PTPN3: variants seen among roughly 807,000 people sequenced by gnomAD.
PTPN3 encodes the protein protein tyrosine phosphatase non-receptor type 3.
A neutral mutation model predicts 132.7 loss-of-function variants in PTPN3; 96 were observed. The ratio of observed to expected loss-of-function variants is 0.72; its 90% CI spans 0.61 to 0.86. The LOEUF (loss-of-function observed/expected upper bound fraction) is 0.86. Ranked by LOEUF, PTPN3 falls within the 40% of genes least tolerant of loss-of-function variation. The probability of loss-of-function intolerance (pLI) is 0.00; values close to 1 mark genes in which losing one functional copy is unlikely to be tolerated. For missense variants in PTPN3, 1,125 were observed against 1,159.6 expected (o/e 0.97, Z 0.43); for synonymous variants, 398 against 429.0 (o/e 0.93, Z 0.89).
In PTPN3 at chr9:109,473,703, A is replaced by T. The variant is rs112619854; in HGVS notation, c.-17-10252T>A. Among the ~76,000 whole-genome samples, 530 of 152,316 alleles carry T rather than the reference A, an allele frequency of 3.5e-3. 6 individuals are homozygous for T. Among genetic ancestry groups the T allele is most frequent in the African/African-American group, 0.012 (509 of 41,554 alleles). On this transcript the variant is annotated intron_variant, in intron 1 of 25. Transcript: ENST00000374541. ...GCAGAAAACTCATGCTAAGTATATT[A>T]AATGAAGCCATTCAATTTAAAGAAA... is the stretch of plus-strand genomic sequence containing the variant.
At chr9:109,388,405 T>G (rs1839781253) in intron 22 of PTPN3, among the ~76,000 whole-genome samples, 1 of 152,094 alleles carries the variant, frequency 6.6e-6, no homozygotes, top group South Asian at 2.1e-4. Context: ...GATGGGAATC[T>G]CTAATGCAGG....
chr9:109,503,056 C>A (rs950508542), upstream of PTPN3, among the ~76,000 whole-genome samples: 1 of 151,966 alleles, frequency 6.6e-6, no homozygotes, highest in Non-Finnish European at 1.5e-5. Flanking sequence ...ATGTATGTTT[C>A]TTTCATAATC....
chr9:109,536,488 G>A, the PTPN3 span, among the ~76,000 whole-genome samples: 3 of 152,126 alleles, frequency 2.0e-5, no homozygotes, highest in Admixed American at 6.6e-5. Context: ...TTGTCAAAGC[G>A]CAATGATACG....
At chr9:109,529,471 TC>T in the PTPN3 span, among the ~76,000 whole-genome samples, 1 of 152,146 alleles carries the variant, frequency 6.6e-6, no homozygotes, top group African/African-American at 2.4e-5. Context: ...TCCTCCTTAA[TC>T]CTTTTTCACA....
At chr9:109,496,971 C>G (rs544271193) in intron 1 of PTPN3, among the ~76,000 whole-genome samples, 1 of 152,202 alleles carries the variant, frequency 6.6e-6, no homozygotes, top group East Asian at 1.9e-4. Flanking sequence ...GCTTTACTTT[C>G]TCCCATCATC....
intron 16 of PTPN3, among the ~76,000 whole-genome samples, 187 bp downstream of exon 16, chr9:109,409,812 A>C (rs1292103343): frequency 6.6e-6 from 1 of 152,148 alleles, no homozygotes; most frequent in Non-Finnish European, 1.5e-5. Context: ...GTTTTTAAAA[A>C]AAAACAAAAA....
chr9:109,413,135 T>C (rs1842206436), intron 14 of PTPN3, among the ~76,000 whole-genome samples: 1 of 151,608 alleles, frequency 6.6e-6, no homozygotes, highest in African/African-American at 2.4e-5. Flanking sequence ...TTTGTATTTT[T>C]AGTAGAGATG....
the PTPN3 span, chr9:109,534,248 C>G: frequency 6.6e-7 from 1 of 1,506,900 alleles, no homozygotes; most frequent in Non-Finnish European, 9.0e-7. Flanking sequence ...CCCGTAGTGC[C>G]GGGCGTGGTG....
chr9:109,409,878 C>T, intron 16 of PTPN3, 121 bp downstream of exon 16: 1 of 1,422,608 alleles, frequency 7.0e-7, no homozygotes, highest in Non-Finnish European at 9.2e-7. Flanking sequence ...ACTCTCAATT[C>T]TGAGGGTTGA....
chr9:109,486,738 T>C lies in PTPN3; in HGVS notation c.-18+11481A>G, dbSNP rs116487826. Among the ~76,000 whole-genome samples the C allele has an allele frequency of 6.3e-3, 964 of 152,258 alleles. 13 individuals are homozygous for C. The highest frequency in any genetic ancestry group is 0.022 in the African/African-American group (910 of 41,552). On this transcript the variant is annotated intron_variant, in intron 1 of 25. Transcript: ENST00000374541. ...TGTCCCCACACAAATCTCACTGAGT[T>C]GTAGTTCCCATAATCCTCACATGTC...
At chr9:109,503,729 C>G in the PTPN3 span, among the ~76,000 whole-genome samples, 1 of 150,796 alleles carries the variant, frequency 6.6e-6, no homozygotes, top group Non-Finnish European at 1.5e-5. Flanking sequence ...AAAAAAAAGT[C>G]TTTCCTCTGC....
intron 22 of PTPN3, among the ~76,000 whole-genome samples, chr9:109,385,820 T>C (rs1839535678): frequency 6.6e-6 from 1 of 152,236 alleles, no homozygotes; most frequent in Admixed American, 6.5e-5. Flanking sequence ...GAACTCAGAA[T>C]GCTCTGTCCT....
At chr9:109,392,624 G>A (rs1840223379) in intron 19 of PTPN3, 1 of 151,970 alleles carries the variant, frequency 6.6e-6, no homozygotes, top group African/African-American at 2.4e-5. Context: ...CTCTTCCTGA[G>A]ACAGGGTCTC....
chr9:109,394,431 A>T (rs1383690671), intron 19 of PTPN3, among the ~76,000 whole-genome samples: 2 of 152,106 alleles, frequency 1.3e-5, no homozygotes, highest in Non-Finnish European at 2.9e-5. Flanking sequence ...TCATATATTA[A>T]AAAGTGTTAT....
intron 1 of PTPN3, among the ~76,000 whole-genome samples, chr9:109,465,485 G>A (rs1023593463): frequency 5.9e-5 from 9 of 152,072 alleles, no homozygotes; most frequent in Non-Finnish European, 1.2e-4. Flanking sequence ...TGAAGCAGAC[G>A]GATCACCTGA....
At chr9:109,408,805 A>ATATATATATATGGGCTT in intron 16 of PTPN3, among the ~76,000 whole-genome samples, 1 of 138,878 alleles carries the variant, frequency 7.2e-6, no homozygotes. Flanking sequence ...AAATATATAT[A>ATATATATATATGGGCTT]TATATATATA....
intron 1 of PTPN3, among the ~76,000 whole-genome samples, chr9:109,490,713 T>C (rs375174443): frequency 2.4e-4 from 37 of 152,102 alleles, no homozygotes; most frequent in African/African-American, 8.9e-4. Context: ...CACTCCAGCC[T>C]GGGCGACAGA....
At chr9:109,444,474 G>A (rs1016119473) in intron 7 of PTPN3, among the ~76,000 whole-genome samples, 1 of 152,110 alleles carries the variant, frequency 6.6e-6, no homozygotes, top group African/African-American at 2.4e-5. Context: ...GCGACGTGCG[G>A]TTAGTCCAAA....
intron 1 of PTPN3, among the ~76,000 whole-genome samples, chr9:109,491,332 G>T (rs566843482): frequency 1.7e-3 from 255 of 152,200 alleles, no homozygotes; most frequent in African/African-American, 5.9e-3. Context: ...ATATGTAGGG[G>T]GAAAGGAGGC....
Sources: gnomAD v4.1 joint callset for allele counts (sites outside exome capture counted in the v4.1 genomes callset) on GRCh38, gnomAD v4.1.1 for gene constraint, MANE v1.5 for transcripts, NCBI Gene and HGNC (gene_info 2026-07-23, HGNC 2026-07-21) for gene names.